The following OCA2 variants were observed in gnomAD, a reference collection of about 807,000 sequenced individuals.
OCA2 encodes P protein.
Under a neutral mutation model 100.2 loss-of-function variants are expected in OCA2, and 77 were observed. The observed-to-expected ratio is 0.77, with a 90% confidence interval of 0.64 to 0.93. The LOEUF (loss-of-function observed/expected upper bound fraction) is 0.93, where lower values mean the gene tolerates loss of function less well. OCA2 is among the 40% of genes least tolerant of loss of function. The pLI, the probability that OCA2 is intolerant of heterozygous loss-of-function variation, is 0.00. For synonymous variants in OCA2, 432 were observed against 439.2 expected, an observed-to-expected ratio of 0.98 and a Z score of 0.21; for missense variants, 1,062 against 1,089.1, an observed-to-expected ratio of 0.98 and a Z score of 0.35.
intron 9 of OCA2, among the ~76,000 whole-genome samples, chr15:27,995,973 T>C (rs2041713948): frequency 6.6e-6 from 1 of 151,976 alleles, no homozygotes; most frequent in South Asian, 2.1e-4. Flanking sequence ...CCACCATGCC[T>C]GACTAATTTT....
In OCA2 at chr15:27,866,150, G is replaced by A. The variant is rs367840305; in HGVS notation, c.2244+5004C>T. Among the ~76,000 whole-genome samples the A allele has an allele frequency of 1.1e-4, 17 of 152,190 alleles. No homozygotes were observed. In the East Asian group the frequency reaches 1.3e-3, roughly 12 times the overall value. On this transcript the variant is annotated intron_variant, in intron 21 of 23. Coordinates refer to ENST00000354638, the MANE Select transcript of OCA2 (RefSeq NM_000275.3). ...GGCTGCCAGAGGGAAGGCAGATCCA[G>A]AGAAAGGACCAGCTCCCACCCAGGC...
At chr15:27,887,236 C>T (rs1374020565) in intron 19 of OCA2, among the ~76,000 whole-genome samples, 1 of 152,086 alleles carries the variant, frequency 6.6e-6, no homozygotes, top group Non-Finnish European at 1.5e-5. Context: ...TCTTTATTAG[C>T]AGCATGAAAA....
chr15:28,004,561 C>T (rs1214353106), intron 9 of OCA2, among the ~76,000 whole-genome samples: 1 of 152,080 alleles, frequency 6.6e-6, no homozygotes, highest in Non-Finnish European at 1.5e-5. Flanking sequence ...TGCCCACACA[C>T]TAACACAGTC....
At chr15:27,832,072 C>T (rs2034982121) in intron 23 of OCA2, among the ~76,000 whole-genome samples, 1 of 152,116 alleles carries the variant, frequency 6.6e-6, no homozygotes, top group Non-Finnish European at 1.5e-5. Context: ...GCCAATCCAA[C>T]GTCCCTCATG....
At chr15:27,750,471 G>C (rs2055292), downstream of OCA2, among the ~76,000 whole-genome samples, 9,275 of 152,178 alleles carry the variant, frequency 0.061, 379 homozygotes, top group Middle Eastern at 0.092. Context: ...GGTTAATATT[G>C]GGCATATAGA....
chr15:27,727,684 G>A, the OCA2 span, among the ~76,000 whole-genome samples: 1 of 152,166 alleles, frequency 6.6e-6, no homozygotes, highest in Non-Finnish European at 1.5e-5. Context: ...ACAACACCAA[G>A]AAATGAATTC....
At chr15:27,859,213 G>A (rs1057245750) in intron 21 of OCA2, among the ~76,000 whole-genome samples, 6 of 152,030 alleles carry the variant, frequency 3.9e-5, no homozygotes, top group African/African-American at 1.4e-4. Flanking sequence ...AGAAAAAATA[G>A]AGAAAGTCAA....
At chr15:27,825,426 G>A (rs909828157) in intron 23 of OCA2, among the ~76,000 whole-genome samples, 2 of 152,192 alleles carry the variant, frequency 1.3e-5, no homozygotes, top group African/African-American at 4.8e-5. Flanking sequence ...TTAGGCAGGA[G>A]GTCCTGAAAG....
At chr15:28,009,179 T>C (rs1275396814) in intron 9 of OCA2, among the ~76,000 whole-genome samples, 1 of 152,166 alleles carries the variant, frequency 6.6e-6, no homozygotes, top group Non-Finnish European at 1.5e-5. Flanking sequence ...GAACATACTA[T>C]TCCTTTAACA....
chr15:27,815,409 A>G (rs974529965), intron 23 of OCA2, among the ~76,000 whole-genome samples: 6 of 152,182 alleles, frequency 3.9e-5, no homozygotes, highest in Admixed American at 6.5e-5. Context: ...ACAATGAGGT[A>G]CTGTTTTTTA....
At chr15:27,904,458 G>A (rs928303373) in intron 19 of OCA2, among the ~76,000 whole-genome samples, 11 of 152,234 alleles carry the variant, frequency 7.2e-5, no homozygotes, top group African/African-American at 2.6e-4. Context: ...CAATTTCAGG[G>A]AACTCTACTA....
At chr15:27,878,473 G>T (rs1183444316) in intron 19 of OCA2, among the ~76,000 whole-genome samples, 1 of 152,044 alleles carries the variant, frequency 6.6e-6, no homozygotes, top group Non-Finnish European at 1.5e-5. Flanking sequence ...GGATTATTTT[G>T]CTGGATAGAG....
chr15:27,877,183 C>G (rs2036825098), intron 19 of OCA2, among the ~76,000 whole-genome samples: 1 of 151,848 alleles, frequency 6.6e-6, no homozygotes. Flanking sequence ...TTGAGGTTTT[C>G]CTAGACTGCT....
At chr15:27,727,762 G>A in the OCA2 span, among the ~76,000 whole-genome samples, 2 of 152,204 alleles carry the variant, frequency 1.3e-5, no homozygotes, top group South Asian at 4.1e-4. Context: ...CCAGGGCAGT[G>A]TCCTGCAGGC....
chr15:27,990,696 A>G (rs2041527962), intron 9 of OCA2, 49 bp from the exon 10 acceptor site: 1 of 1,530,042 alleles, frequency 6.5e-7, no homozygotes, highest in Non-Finnish European at 9.1e-7. Flanking sequence ...CGAGGGAGTT[A>G]GCACACACGA....
At chr15:28,056,042 T>C (rs2043683174) in intron 2 of OCA2, among the ~76,000 whole-genome samples, 1 of 151,812 alleles carries the variant, frequency 6.6e-6, no homozygotes, top group Non-Finnish European at 1.5e-5. Context: ...TAGGACACTG[T>C]CCCCTGGTCC....
intron 23 of OCA2, chr15:27,776,876 G>C (rs1211070752): frequency 6.6e-6 from 1 of 150,946 alleles, no homozygotes; most frequent in Non-Finnish European, 1.5e-5. Context: ...ACTTTTCTGG[G>C]CAACATGAGG....
chr15:28,099,092 A>G (rs7495174), intron 1 of OCA2, 132 bp downstream of exon 1: 19,706 of 155,530 alleles, frequency 0.13, 2,284 homozygotes, highest in East Asian at 0.65. Flanking sequence ...TGTGCACACT[A>G]ACCTTTAGGG....
intron 19 of OCA2, among the ~76,000 whole-genome samples, chr15:27,899,492 T>G (rs1176642270): frequency 3.3e-5 from 5 of 152,262 alleles, no homozygotes; most frequent in Non-Finnish European, 7.3e-5. Flanking sequence ...TTAGAAATGT[T>G]AGAAACATTT....
Sources: gnomAD v4.1 joint callset for allele counts (sites outside exome capture counted in the v4.1 genomes callset) on GRCh38, gnomAD v4.1.1 for gene constraint, MANE v1.5 for transcripts, NCBI Gene and HGNC (gene_info 2026-07-23, HGNC 2026-07-21) for gene names.